The following DMD variants were observed in gnomAD, a reference collection of about 807,000 sequenced individuals.
The protein encoded by DMD is dystrophin.
A neutral mutation model predicts 330.1 loss-of-function variants in DMD; 63 were observed. That is an observed-to-expected ratio of 0.19 (90% CI 0.16 to 0.24). The LOEUF (loss-of-function observed/expected upper bound fraction) is 0.24, where lower values mean the gene tolerates loss of function less well. DMD is among the 10% of genes least tolerant of loss of function. DMD has a pLI of 1.00. For missense variants in DMD, 3,344 were observed against 2,684.1 expected (o/e 1.25, Z -5.43); for synonymous variants, 1,223 against 959.8 (o/e 1.27, Z -5.07).
chrX:32,182,884 G>C (rs925947690), intron 44 of DMD, among the ~76,000 whole-genome samples: 1 of 111,530 alleles, frequency 9.0e-6, no homozygotes, highest in East Asian at 2.8e-4. Flanking sequence ...GCTATAATTT[G>C]TTCAATCTTT....
intron 50 of DMD, among the ~76,000 whole-genome samples, chrX:31,781,134 T>C (rs2090987404): frequency 8.9e-6 from 1 of 112,227 alleles, no homozygotes; most frequent in Admixed American, 9.5e-5. Context: ...GTGATTCTTA[T>C]GTGCTAGGCA....
At chrX:32,111,767 A>C (rs1327923035) in intron 44 of DMD, among the ~76,000 whole-genome samples, 1 of 111,533 alleles carries the variant, frequency 9.0e-6, no homozygotes, top group Non-Finnish European at 1.9e-5. Context: ...TGACCGAATC[A>C]TAATAAACAA....
intron 9 of DMD, among the ~76,000 whole-genome samples, chrX:32,650,606 CA>C (rs1367097477): frequency 8.9e-6 from 1 of 111,806 alleles, no homozygotes; most frequent in Non-Finnish European, 1.9e-5. Flanking sequence ...AGGTACTATT[CA>C]AAGCATAAAA....
At chrX:31,434,023 T>C (rs1317985727) in intron 60 of DMD, among the ~76,000 whole-genome samples, 1 of 111,697 alleles carries the variant, frequency 9.0e-6, no homozygotes, top group Non-Finnish European at 1.9e-5. Flanking sequence ...TCAGGGCCTC[T>C]GTCCTTATGG....
chrX:32,686,387 G>A lies in DMD; in HGVS notation c.960+11483C>T, dbSNP rs771285447. 5.5e-5 allele frequency among the ~76,000 whole-genome samples: 6 copies of A among 109,008 alleles called. No homozygotes were observed. In the East Asian group the frequency reaches 1.2e-3, roughly 21 times the overall value. The allele number at this position is 109,008 out of a possible 115,157, so 94.7% of individuals were successfully genotyped here. Reference sequence around the variant, plus strand: ...AGCCTGGCCAAAATGGGGAAACCTCGTCTCTACTGAAAAATACAAAAATTA... The same window carrying A: ...AGCCTGGCCAAAATGGGGAAACCTCATCTCTACTGAAAAATACAAAAATTA... On this transcript the variant is annotated intron_variant, in intron 9 of 78. Transcript: ENST00000357033.
intron 17 of DMD, among the ~76,000 whole-genome samples, chrX:32,531,506 A>G (rs2047475908): frequency 8.9e-6 from 1 of 112,097 alleles, no homozygotes; most frequent in Non-Finnish European, 1.9e-5. Flanking sequence ...AGAGACATAT[A>G]TATCATTTTA....
At chrX:31,737,357 A>G (rs1430951385) in intron 51 of DMD, among the ~76,000 whole-genome samples, 1 of 113,131 alleles carries the variant, frequency 8.8e-6, no homozygotes, top group Non-Finnish European at 1.9e-5. Flanking sequence ...TATTTCATTC[A>G]AGGACAGATT....
intron 7 of DMD, among the ~76,000 whole-genome samples, chrX:32,730,799 G>A (rs1223215238): frequency 1.8e-5 from 2 of 111,786 alleles, no homozygotes; most frequent in African/African-American, 6.5e-5. Flanking sequence ...AGAGATGGGA[G>A]ATACAGAAAA....
intron 60 of DMD, among the ~76,000 whole-genome samples, chrX:31,349,551 T>C (rs5927732): frequency 0.28 from 31,620 of 111,439 alleles, 3,343 homozygotes; most frequent in East Asian, 0.53. Context: ...TTAAGAAATA[T>C]ACCTTTAGGG....
intron 43 of DMD, among the ~76,000 whole-genome samples, chrX:32,230,891 T>C (rs934546022): frequency 2.7e-5 from 3 of 112,106 alleles, no homozygotes; most frequent in African/African-American, 9.7e-5. Flanking sequence ...ATACAGTATA[T>C]AATTTCTGTT....
At chrX:32,209,997 A>C (rs2147807170) in intron 44 of DMD, among the ~76,000 whole-genome samples, 1 of 111,791 alleles carries the variant, frequency 8.9e-6, no homozygotes, top group East Asian at 2.8e-4. Flanking sequence ...GTTATTTACT[A>C]CTTCTGAAAA....
In DMD at chrX:31,927,381, C is replaced by CTA. The variant is rs771356080; in HGVS notation, c.6912+2213_6912+2214dup. ...GACTCTTTCACAACCCACAAAGCTG[C>CTA]TATTGTATATTTTAGATAGTTCTCT... On this transcript the variant is annotated intron_variant, in intron 47 of 78. Transcript: ENST00000357033. Among the ~76,000 whole-genome samples, 9 of 112,100 alleles carry CTA rather than the reference C, an allele frequency of 8.0e-5. No individual in the cohort carries two copies. In the East Asian group the frequency reaches 2.0e-3, roughly 25 times the overall value.
chrX:31,430,710 C>G (rs1320300908), intron 60 of DMD, among the ~76,000 whole-genome samples: 1 of 110,257 alleles, frequency 9.1e-6, no homozygotes, highest in African/African-American at 3.3e-5. Flanking sequence ...ACTTTACTGC[C>G]CCTACAGTTT....
At chrX:32,294,036 A>T (rs1405076356) in intron 42 of DMD, among the ~76,000 whole-genome samples, 1 of 111,899 alleles carries the variant, frequency 8.9e-6, no homozygotes, top group Non-Finnish European at 1.9e-5. Flanking sequence ...TAGGTCAGGT[A>T]CCAGAAACGT....
chrX:32,984,806 G>C (rs766681803), intron 2 of DMD, among the ~76,000 whole-genome samples: 6 of 111,344 alleles, frequency 5.4e-5, no homozygotes, highest in Non-Finnish European at 9.4e-5. Flanking sequence ...AACCTTTTAA[G>C]TAGTGTTTGT....
At chrX:32,365,351 A>G in intron 34 of DMD, 152 bp from the exon 35 acceptor site, 1 of 494,656 alleles carries the variant, frequency 2.0e-6, no homozygotes, top group Non-Finnish European at 3.3e-6. Flanking sequence ...TACCATATAT[A>G]CTGAAGCTTC....
intron 60 of DMD, among the ~76,000 whole-genome samples, chrX:31,386,200 A>G (rs1308179817): frequency 7.2e-5 from 8 of 111,519 alleles, no homozygotes; most frequent in African/African-American, 2.6e-4. Context: ...CACAGGAAGG[A>G]GAACATCACA....
chrX:31,152,637 G>A (rs1407973152), intron 74 of DMD, among the ~76,000 whole-genome samples: 7 of 110,910 alleles, frequency 6.3e-5, no homozygotes, highest in Non-Finnish European at 9.4e-5. Flanking sequence ...GGGCTCAAGC[G>A]ATCCTCCTAT....
chrX:31,252,313 A>G (rs1407906251), intron 63 of DMD, among the ~76,000 whole-genome samples: 6 of 112,448 alleles, frequency 5.3e-5, no homozygotes, highest in Non-Finnish European at 9.4e-5. Context: ...TATGGATTCC[A>G]GTTTAATTAT....
Sources: gnomAD v4.1 joint callset for allele counts (sites outside exome capture counted in the v4.1 genomes callset) on GRCh38, gnomAD v4.1.1 for gene constraint, MANE v1.5 for transcripts, NCBI Gene and HGNC (gene_info 2026-07-23, HGNC 2026-07-21) for gene names.